Variants in UMODL1 observed in about 807,000 individuals in gnomAD.
UMODL1 encodes the protein uromodulin like 1, also known as uromodulin-like 1.
A neutral mutation model predicts 136.3 loss-of-function variants in UMODL1; 128 were observed. The observed-to-expected ratio is 0.94, with a 90% confidence interval of 0.81 to 1.09. UMODL1 has a LOEUF of 1.09. Ranked by LOEUF, UMODL1 falls within the 50% of genes least tolerant of loss-of-function variation. The probability of loss-of-function intolerance (pLI) is 0.00; values close to 1 mark genes in which losing one functional copy is unlikely to be tolerated. For missense variants in UMODL1, 1,766 were observed against 1,725.6 expected (o/e 1.02, Z -0.41); for synonymous variants, 721 against 720.0 (o/e 1.00, Z -0.02).
At chr21:42,067,754 C>T (rs1264512682), upstream of UMODL1, among the ~76,000 whole-genome samples, 3 of 152,258 alleles carry the variant, frequency 2.0e-5, no homozygotes, top group Non-Finnish European at 4.4e-5. Flanking sequence ...TCTGGCCTTG[C>T]CACGAGAAAG....
In UMODL1 at chr21:42,104,069, C is replaced by T. The variant is rs2066679000; in HGVS notation, c.1501C>T (p.Gln501Ter). ...LASTVFQIDR[Q>*]GTRVQDWDEC... ...AAGCACAGTGTTCCAGATTGACCGG[C>T]AGGGGACACGCGTGCAAGGTATGGC... The change falls in exon 9 of 23, where the codon CAG (glutamine) becomes TAG (stop). Residue 501 changes from glutamine (Q) to a stop codon, truncating the protein, a stop_gained. Transcript: ENST00000408910. LOFTEE classifies it high-confidence loss of function. 1.2e-6 allele frequency: 2 copies of T among 1,612,438 alleles called. No individual in the cohort carries two copies. Among genetic ancestry groups the T allele is most frequent in the Non-Finnish European group, 1.7e-6 (2 of 1,179,024 alleles).
At chr21:42,084,595 C>A (rs1348277175) in intron 3 of UMODL1, among the ~76,000 whole-genome samples, 1 of 152,056 alleles carries the variant, frequency 6.6e-6, no homozygotes, top group East Asian at 1.9e-4. Context: ...GCCACAGGGG[C>A]CTGACGAGCG....
At chr21:42,129,562 C>G (rs1742838627) in intron 20 of UMODL1, 151 bp from the exon 21 acceptor site, 5 of 609,668 alleles carry the variant, frequency 8.2e-6, no homozygotes, top group Non-Finnish European at 1.1e-5. Flanking sequence ...ACCAGGTCTC[C>G]CACTCCTCTG....
At chr21:42,094,407 CA>C (rs1165512943) in intron 6 of UMODL1, among the ~76,000 whole-genome samples, 2 of 152,218 alleles carry the variant, frequency 1.3e-5, no homozygotes, top group Non-Finnish European at 2.9e-5. Flanking sequence ...GTGCTTTACC[CA>C]GATAGAGGCA....
chr21:42,084,277 G>A, intron 3 of UMODL1, 32 bp downstream of exon 3: 1 of 1,607,404 alleles, frequency 6.2e-7, no homozygotes, highest in Middle Eastern at 1.7e-4. Context: ...TTATGGACAG[G>A]CAGCAAAGGC....
In UMODL1 at chr21:42,110,956, A is replaced by C. The variant is rs1326085944; in HGVS notation, c.1734A>C (p.Thr578=). ...CGGTCCCAGGTCTTGGCACGGGAAC[A>C]GCAGCCCTCGGCCTAGAGAACTTCA... ...GVTVPGLGTG[T]AALGLENFTL... The change falls in exon 11 of 23, where the codon ACA becomes ACC. Residue 578 remains threonine, a synonymous_variant. Coordinates refer to ENST00000408910, the MANE Select transcript of UMODL1 (RefSeq NM_001004416.3). The C allele has an allele frequency of 6.2e-7, 1 of 1,613,238 alleles. No individual in the cohort carries two copies. Among genetic ancestry groups the C allele is most frequent in the South Asian group, 1.1e-5 (1 of 90,796 alleles).
At chr21:42,077,599 C>T (rs1350103659) in intron 2 of UMODL1, among the ~76,000 whole-genome samples, 3 of 152,230 alleles carry the variant, frequency 2.0e-5, no homozygotes, top group Non-Finnish European at 2.9e-5. Context: ...ATCAATCAGA[C>T]GAATTCCTGG....
intron 8 of UMODL1, chr21:42,103,287 T>C: frequency 4.9e-6 from 1 of 205,706 alleles, no homozygotes; most frequent in Admixed American, 5.2e-5. Flanking sequence ...AGGAATCTGG[T>C]TTTCAATGTT....
In UMODL1 at chr21:42,126,414, C is replaced by G. The variant is rs773862574; in HGVS notation, c.3217C>G (p.Leu1073Val). 2 of 1,614,232 alleles carry G rather than the reference C, an allele frequency of 1.2e-6. No individual in the cohort carries two copies. Among genetic ancestry groups the G allele is most frequent in the South Asian group, 2.2e-5 (2 of 91,088 alleles). Residue 1073 changes from leucine to valine, a missense_variant, in exon 18 of 23, where the codon CTG becomes GTG. Physicochemically the swap from Leu to Val is conservative, Grantham distance 32. Coordinates refer to ENST00000408910, the MANE Select transcript of UMODL1 (RefSeq NM_001004416.3). ...DLSQEGIIHH[L>V]KILSPIYCAF... is the part of the protein sequence containing the mutation. ...GTCCCAGGAGGGCATCATCCACCACCTGAAGATCCTGAGCCCCATCTACTG... is the reference window on the plus strand; with the variant it reads ...GTCCCAGGAGGGCATCATCCACCACGTGAAGATCCTGAGCCCCATCTACTG...
At chr21:42,130,245 T>TGCGCGC (rs1555933416) in intron 21 of UMODL1, among the ~76,000 whole-genome samples, 7 of 151,852 alleles carry the variant, frequency 4.6e-5, no homozygotes, top group African/African-American at 1.7e-4. Context: ...TGTGTGTGTG[T>TGCGCGC]GCGTGCACAC....
chr21:42,117,653 G>A (rs1238139108), intron 14 of UMODL1, among the ~76,000 whole-genome samples: 1 of 152,218 alleles, frequency 6.6e-6, no homozygotes, highest in Non-Finnish European at 1.5e-5. Flanking sequence ...TAGCAGGGCT[G>A]CAAACCCCAG....
chr21:42,121,012 TC>T, intron 15 of UMODL1, 74 bp from the exon 16 acceptor site: 1 of 1,532,698 alleles, frequency 6.5e-7, no homozygotes, highest in Middle Eastern at 2.2e-4. Flanking sequence ...AGATGCACTC[TC>T]CCCCAACCAG....
At chr21:42,120,804 A>C in intron 15 of UMODL1, 1 of 284,906 alleles carries the variant, frequency 3.5e-6, no homozygotes. Flanking sequence ...TCTCCTGGTT[A>C]CTCCCGGGAA....
chr21:42,069,009 C>G (rs955025181), upstream of UMODL1, among the ~76,000 whole-genome samples: 1 of 152,118 alleles, frequency 6.6e-6, no homozygotes, highest in Non-Finnish European at 1.5e-5. Flanking sequence ...GAATTTGGGG[C>G]TCTCTGCTGG....
intron 12 of UMODL1, among the ~76,000 whole-genome samples, chr21:42,113,332 G>C (rs2066860951): frequency 6.6e-6 from 1 of 151,938 alleles, no homozygotes; most frequent in African/African-American, 2.4e-5. Context: ...ACCATCTGCT[G>C]AAACAAAACA....
In UMODL1 at chr21:42,127,796, G is replaced by T; in HGVS notation, c.3655G>T (p.Val1219Phe). 1.2e-6 allele frequency: 2 copies of T among 1,613,914 alleles called. No homozygotes were observed. The highest frequency in any genetic ancestry group is 1.7e-6 in the Non-Finnish European group (2 of 1,179,986). ...SIVYLHCKLR[V>F]CMESPGATCK... is the part of the protein sequence containing the mutation. Reference sequence around the variant, plus strand: ...CGTCTACCTGCACTGCAAACTCCGCGTCTGCATGGAATCCCCCGGAGCCAC... The same window carrying T: ...CGTCTACCTGCACTGCAAACTCCGCTTCTGCATGGAATCCCCCGGAGCCAC... The change falls in exon 20 of 23, where the codon GTC (valine) becomes TTC (phenylalanine). Residue 1219 changes from valine to phenylalanine, a missense_variant. Val to Phe is a conservative substitution (Grantham distance 50, BLOSUM62 -1). Transcript: ENST00000408910.
intron 21 of UMODL1, among the ~76,000 whole-genome samples, chr21:42,137,057 G>T (rs899754215): frequency 6.6e-6 from 1 of 152,152 alleles, no homozygotes; most frequent in Non-Finnish European, 1.5e-5. Flanking sequence ...CGCCCAGCCT[G>T]CACTCTCTAT....
At position 42,113,701 on chromosome 21, in the gene UMODL1, G is replaced by C. The variant is rs746161677; in HGVS notation, c.2233G>C (p.Val745Leu). ...LTLTSMWSPA[V>L]VLETWNTSVT... is the part of the protein sequence containing the mutation. ...TCTGACTTCCATGTGGAGCCCTGCT[G>C]TGGTCCTAGAGACCTGGAACACGAG... The change falls in exon 13 of 23, where the codon GTG (valine) becomes CTG (leucine). Residue 745 changes from valine (V) to leucine (L), a missense_variant. Coordinates refer to ENST00000408910, the MANE Select transcript of UMODL1 (RefSeq NM_001004416.3). The C allele has an allele frequency of 6.2e-7, 1 of 1,613,980 alleles. No individual in the cohort carries two copies. Among genetic ancestry groups the C allele is most frequent in the Non-Finnish European group, 8.5e-7 (1 of 1,180,030 alleles).
Position 42,098,923 on chromosome 21 carries a change from T to A in UMODL1, c.932-3T>A, listed in dbSNP as rs766443433. ...CTCATCTTCTCTGTCTGTGCTTTCG[T>A]AGATTGTCCTCCAGTCAGTGACTAC... On this transcript the variant is annotated splice_region_variant and splice_polypyrimidine_tract_variant and intron_variant, in intron 6 of 22. Transcript: ENST00000408910. The A allele has an allele frequency of 1.2e-6, 2 of 1,614,044 alleles. No individual in the cohort carries two copies. The highest frequency in any genetic ancestry group is 2.2e-5 in the East Asian group (1 of 44,868).
Sources: gnomAD v4.1 joint callset for allele counts (sites outside exome capture counted in the v4.1 genomes callset) on GRCh38, gnomAD v4.1.1 for gene constraint, MANE v1.5 for transcripts, NCBI Gene and HGNC (gene_info 2026-07-23, HGNC 2026-07-21) for gene names.